RIMS1: variants seen among roughly 807,000 people sequenced by gnomAD.
The protein encoded by RIMS1 is regulating synaptic membrane exocytosis 1.
Under a neutral mutation model 214.1 loss-of-function variants are expected in RIMS1, and 83 were observed. The observed-to-expected ratio is 0.39, with a 90% CI of 0.32 to 0.47. RIMS1 has a LOEUF of 0.47. Among genes scored for constraint, RIMS1 ranks in the 20% least tolerant of loss-of-function variants. The probability of loss-of-function intolerance (pLI) is 0.99; values close to 1 mark genes in which losing one functional copy is unlikely to be tolerated. For missense variants in RIMS1, 2,050 were observed against 2,161.8 expected (o/e 0.95, Z 1.03); for synonymous variants, 793 against 786.8 (o/e 1.01, Z -0.13).
intron 4 of RIMS1, among the ~76,000 whole-genome samples, chr6:72,119,761 G>A (rs998659528): frequency 6.6e-5 from 10 of 151,434 alleles, no homozygotes; most frequent in Non-Finnish European, 1.2e-4. Flanking sequence ...CCATTAACTC[G>A]TCATTTACAT....
chr6:72,085,398 A>G (rs1050560271), intron 2 of RIMS1, among the ~76,000 whole-genome samples: 4 of 152,294 alleles, frequency 2.6e-5, no homozygotes, highest in African/African-American at 9.6e-5. Context: ...ACAAATGTGC[A>G]CATTTCTGTG....
intron 6 of RIMS1, among the ~76,000 whole-genome samples, chr6:72,221,802 T>G (rs1220613015): frequency 2.6e-5 from 4 of 151,634 alleles, no homozygotes; most frequent in African/African-American, 9.7e-5. Flanking sequence ...ATAATTACTA[T>G]AATTTGGTAT....
intron 6 of RIMS1, among the ~76,000 whole-genome samples, chr6:72,197,556 C>T (rs1207642882): frequency 6.6e-6 from 1 of 152,014 alleles, no homozygotes; most frequent in African/African-American, 2.4e-5. Context: ...TAACAGAACT[C>T]AAGATAAAGA....
chr6:72,064,974 C>A (rs1349892453), intron 2 of RIMS1, among the ~76,000 whole-genome samples: 1 of 152,144 alleles, frequency 6.6e-6, no homozygotes, highest in East Asian at 1.9e-4. Context: ...TATTGTTATT[C>A]ATTTTCAGTA....
At chr6:72,383,652 T>C (rs2098535324) in intron 29 of RIMS1, among the ~76,000 whole-genome samples, 1 of 145,108 alleles carries the variant, frequency 6.9e-6, no homozygotes, top group South Asian at 2.2e-4. Flanking sequence ...TAGTCAGGTG[T>C]GGTGGCATGT....
At chr6:72,026,774 T>A (rs529083293) in intron 2 of RIMS1, among the ~76,000 whole-genome samples, 2 of 152,260 alleles carry the variant, frequency 1.3e-5, no homozygotes, top group South Asian at 4.1e-4. Context: ...AGTGGCACTT[T>A]TTGTATACTG....
At chr6:72,069,005 TAAC>T (rs147049833) in intron 2 of RIMS1, among the ~76,000 whole-genome samples, 32,278 of 151,634 alleles carry the variant, frequency 0.21, 4,169 homozygotes, top group East Asian at 0.32. Flanking sequence ...CCTCCAGAAA[TAAC>T]AAACTGAGGG....
At chr6:71,999,578 A>G (rs1393134025) in intron 2 of RIMS1, among the ~76,000 whole-genome samples, 1 of 152,150 alleles carries the variant, frequency 6.6e-6, no homozygotes, top group African/African-American at 2.4e-5. Flanking sequence ...GATGGTTTTA[A>G]TAGTATATAA....
chr6:72,309,180 G>A (rs779480066), intron 27 of RIMS1, among the ~76,000 whole-genome samples: 1 of 152,010 alleles, frequency 6.6e-6, no homozygotes, highest in Non-Finnish European at 1.5e-5. Flanking sequence ...CCTGAGCTGG[G>A]ATTCTGATCA....
intron 2 of RIMS1, among the ~76,000 whole-genome samples, chr6:72,016,479 G>A (rs576400337): frequency 3.8e-4 from 58 of 152,188 alleles, no homozygotes; most frequent in Non-Finnish European, 7.8e-4. Context: ...GTTGTAGATA[G>A]GAAGAAAGGA....
At chr6:72,222,988 T>C (rs563941201) in intron 6 of RIMS1, among the ~76,000 whole-genome samples, 33 of 152,366 alleles carry the variant, frequency 2.2e-4, no homozygotes, top group African/African-American at 7.7e-4. Flanking sequence ...TAGGTTTCCC[T>C]GCCCACTTTC....
chr6:72,033,875 G>T (rs1818856718), intron 2 of RIMS1, among the ~76,000 whole-genome samples: 1 of 152,136 alleles, frequency 6.6e-6, no homozygotes, highest in East Asian at 1.9e-4. Flanking sequence ...GAACAACTCT[G>T]AGAGGGTTGG....
chr6:72,276,214 C>T lies in RIMS1; in HGVS notation c.3482+1782C>T, dbSNP rs115179336. On this transcript the variant is annotated intron_variant, in intron 23 of 33. Coordinates refer to ENST00000521978, the MANE Select transcript of RIMS1 (RefSeq NM_014989.7). Reference sequence around the variant, plus strand: ...TGGGCAACAGAGTGAGAACCTGCCCCCTCCGATCCCCAAGAAAAGAAAAAA... The same window carrying T: ...TGGGCAACAGAGTGAGAACCTGCCCTCTCCGATCCCCAAGAAAAGAAAAAA... 3.9e-3 allele frequency among the ~76,000 whole-genome samples: 598 copies of T among 152,204 alleles called. 5 individuals are homozygous for T. The highest frequency in any genetic ancestry group is 0.014 in the African/African-American group (578 of 41,528).
intron 29 of RIMS1, among the ~76,000 whole-genome samples, chr6:72,378,893 G>C (rs1012010097): frequency 6.6e-6 from 1 of 152,126 alleles, no homozygotes; most frequent in African/African-American, 2.4e-5. Flanking sequence ...ACCCTGTGGG[G>C]TGCCATGAGG....
chr6:71,905,311 A>G (rs940852933), intron 1 of RIMS1, among the ~76,000 whole-genome samples: 1 of 152,152 alleles, frequency 6.6e-6, no homozygotes, highest in Non-Finnish European at 1.5e-5. Context: ...ACTTCTCAGT[A>G]ACCTAGCATG....
intron 28 of RIMS1, among the ~76,000 whole-genome samples, chr6:72,325,491 G>T (rs927686256): frequency 6.6e-6 from 1 of 151,036 alleles, no homozygotes; most frequent in Non-Finnish European, 1.5e-5. Flanking sequence ...AATGAATTTT[G>T]CAGAGTCACT....
intron 26 of RIMS1, among the ~76,000 whole-genome samples, chr6:72,294,265 G>A (rs971701386): frequency 6.6e-6 from 1 of 151,622 alleles, no homozygotes. Flanking sequence ...TTCTATTTAA[G>A]ATTGATTTCA....
chr6:71,943,580 A>T (rs889719675), intron 1 of RIMS1, among the ~76,000 whole-genome samples: 3 of 152,210 alleles, frequency 2.0e-5, no homozygotes, highest in Non-Finnish European at 2.9e-5. Context: ...CTAATGATGC[A>T]GTGATTCTGT....
intron 19 of RIMS1, chr6:72,263,983 G>C (rs2079268549): frequency 1.7e-6 from 1 of 582,036 alleles, no homozygotes; most frequent in Non-Finnish European, 2.2e-6. Flanking sequence ...ACAAGAGTGA[G>C]ACTCTGTCTC....
Sources: allele counts gnomAD v4.1 joint callset (sites outside exome capture counted in the v4.1 genomes callset), GRCh38; gene constraint gnomAD v4.1.1; transcripts MANE v1.5; gene names NCBI Gene and HGNC (gene_info 2026-07-23, HGNC 2026-07-21).